C1QTNF3: variants seen among roughly 807,000 people sequenced by gnomAD.
C1QTNF3 encodes C1q and TNF related 3.
C1QTNF3 carries 26 observed loss-of-function variants against 32.6 expected under a neutral mutation model. The observed-to-expected ratio is 0.80, with a 90% CI of 0.58 to 1.11. C1QTNF3 has a LOEUF of 1.11. C1QTNF3 is among the 50% of genes least tolerant of loss of function. The pLI, the probability that C1QTNF3 is intolerant of heterozygous loss-of-function variation, is 0.00. For missense variants in C1QTNF3, 362 were observed against 398.2 expected (o/e 0.91, Z 0.77); for synonymous variants, 155 against 146.0 (o/e 1.06, Z -0.44).
chr5:34,093,293 GT>G, the C1QTNF3 span, among the ~76,000 whole-genome samples: 2 of 121,194 alleles, frequency 1.7e-5, no homozygotes, highest in Admixed American at 1.7e-4. Flanking sequence ...CCTATTCTTT[GT>G]TTTTTTTAAA....
At chr5:34,175,693 C>T in the C1QTNF3 span, 8 of 642,900 alleles carry the variant, frequency 1.2e-5, no homozygotes, top group South Asian at 9.0e-5. Context: ...CTCAACACAA[C>T]CTACATGGAT....
At chr5:34,172,042 A>G in the C1QTNF3 span, among the ~76,000 whole-genome samples, 2 of 152,200 alleles carry the variant, frequency 1.3e-5, no homozygotes, top group African/African-American at 2.4e-5. Context: ...ATAAGCTCAA[A>G]GCCCATGCAT....
the C1QTNF3 span, among the ~76,000 whole-genome samples, chr5:34,072,878 A>T: frequency 3.7e-4 from 57 of 152,148 alleles, no homozygotes; most frequent in Non-Finnish European, 7.3e-4. Flanking sequence ...TATTATTTAG[A>T]CATTTGTTAC....
At chr5:34,097,050 A>G in the C1QTNF3 span, among the ~76,000 whole-genome samples, 1 of 152,082 alleles carries the variant, frequency 6.6e-6, no homozygotes, top group African/African-American at 2.4e-5. Flanking sequence ...TTCACACTGC[A>G]AAGATTTTTA....
chr5:34,159,756 G>A, the C1QTNF3 span, among the ~76,000 whole-genome samples: 1 of 150,806 alleles, frequency 6.6e-6, no homozygotes, highest in Admixed American at 6.6e-5. Context: ...TACTACTCCA[G>A]GTAAACATTG....
At chr5:34,047,869 C>A (rs1241769080), upstream of C1QTNF3, among the ~76,000 whole-genome samples, 1 of 152,014 alleles carries the variant, frequency 6.6e-6, no homozygotes, top group East Asian at 1.9e-4. Flanking sequence ...GGGGACATTG[C>A]CTATAGATAT....
chr5:34,018,605 A>C lies in C1QTNF3; in HGVS notation c.*1978T>G, dbSNP rs192170509. ...TTTGGAGTTTACATTTGCATATTCCATCCTCTGAATTATTTTTTTACATTT... is the reference window on the plus strand; with the variant it reads ...TTTGGAGTTTACATTTGCATATTCCCTCCTCTGAATTATTTTTTTACATTT... On this transcript the variant is annotated 3_prime_UTR_variant, in exon 6 of 6. Coordinates refer to ENST00000382065, the MANE Select transcript of C1QTNF3 (RefSeq NM_181435.6). Among the ~76,000 whole-genome samples, 183 of 152,330 alleles carry C rather than the reference A, an allele frequency of 1.2e-3. 2 individuals are homozygous for C. The highest frequency in any genetic ancestry group is 4.2e-3 in the African/African-American group (175 of 41,574).
chr5:34,052,533 C>T, the C1QTNF3 span, among the ~76,000 whole-genome samples: 1 of 152,340 alleles, frequency 6.6e-6, no homozygotes, highest in African/African-American at 2.4e-5. Flanking sequence ...TGCAGACACA[C>T]CTGAGTTTGA....
the C1QTNF3 span, chr5:34,164,823 C>CAA: frequency 6.6e-6 from 1 of 151,392 alleles, no homozygotes; most frequent in African/African-American, 2.4e-5. Context: ...TCAAAACACA[C>CAA]ACACACACAC....
the C1QTNF3 span, among the ~76,000 whole-genome samples, chr5:34,208,773 T>C: frequency 6.6e-6 from 1 of 152,184 alleles, no homozygotes; most frequent in South Asian, 2.1e-4. Flanking sequence ...ATATTAACTA[T>C]TAGGATAATG....
the C1QTNF3 span, among the ~76,000 whole-genome samples, chr5:34,225,861 T>C: frequency 1.3e-5 from 2 of 151,966 alleles, no homozygotes; most frequent in Admixed American, 1.3e-4. Flanking sequence ...TCAGGTTCAA[T>C]GTAATACATG....
At chr5:34,215,991 A>G in the C1QTNF3 span, among the ~76,000 whole-genome samples, 2 of 152,148 alleles carry the variant, frequency 1.3e-5, no homozygotes, top group African/African-American at 4.8e-5. Context: ...TAGGATCCCA[A>G]CCAGCCTGTG....
chr5:34,225,556 C>T, the C1QTNF3 span, among the ~76,000 whole-genome samples: 4 of 152,070 alleles, frequency 2.6e-5, no homozygotes, highest in Middle Eastern at 3.4e-3. Flanking sequence ...GTTCAGCATT[C>T]GTCTGAGTAT....
chr5:34,213,812 T>A, the C1QTNF3 span, among the ~76,000 whole-genome samples: 1,788 of 8,118 alleles, frequency 0.22, 143 homozygotes, highest in Middle Eastern at 0.35. Flanking sequence ...TATATATATT[T>A]TTTTTTTTTT....
intron 3 of C1QTNF3, among the ~76,000 whole-genome samples, chr5:34,029,288 G>A (rs889803304): frequency 6.6e-6 from 1 of 151,784 alleles, no homozygotes; most frequent in Non-Finnish European, 1.5e-5. Context: ...TTCCCGAAAA[G>A]ATACCTATTA....
At chr5:34,127,942 G>T in the C1QTNF3 span, among the ~76,000 whole-genome samples, 1 of 152,096 alleles carries the variant, frequency 6.6e-6, no homozygotes, top group African/African-American at 2.4e-5. Context: ...CATAAATCAA[G>T]AGGATCCTGA....
chr5:34,177,778 C>T, the C1QTNF3 span, among the ~76,000 whole-genome samples: 2 of 151,878 alleles, frequency 1.3e-5, no homozygotes, highest in Admixed American at 1.3e-4. Context: ...TCAGCCACTG[C>T]ACCCAGCCAC....
At chr5:34,233,791 TA>T in the C1QTNF3 span, among the ~76,000 whole-genome samples, 3 of 152,128 alleles carry the variant, frequency 2.0e-5, no homozygotes, top group Non-Finnish European at 4.4e-5. Flanking sequence ...CTTCTTCGAA[TA>T]GGTGAATTAA....
At chr5:34,228,482 T>C in the C1QTNF3 span, among the ~76,000 whole-genome samples, 26 of 151,614 alleles carry the variant, frequency 1.7e-4, no homozygotes, top group East Asian at 1.9e-3. Context: ...AGCAAACCCA[T>C]AGTCTTTAAA....
Sources: allele counts gnomAD v4.1 joint callset (sites outside exome capture counted in the v4.1 genomes callset), GRCh38; gene constraint gnomAD v4.1.1; transcripts MANE v1.5; gene names NCBI Gene and HGNC (gene_info 2026-07-23, HGNC 2026-07-21).